Variants in AGBL4 observed in about 807,000 individuals in gnomAD.
AGBL4 encodes the protein AGBL carboxypeptidase 4.
AGBL4 carries 58 observed loss-of-function variants against 66.4 expected under a neutral mutation model. The ratio of observed to expected loss-of-function variants is 0.87; its 90% CI spans 0.71 to 1.09. The LOEUF is 1.09. Ranked by LOEUF, AGBL4 falls within the 50% of genes least tolerant of loss-of-function variation. AGBL4 has a pLI of 0.00. For missense variants in AGBL4, 579 were observed against 631.0 expected (o/e 0.92, Z 0.88); for synonymous variants, 234 against 222.9 (o/e 1.05, Z -0.44).
chr1:48,659,473 G>T (rs1157546430), intron 7 of AGBL4, among the ~76,000 whole-genome samples: 1 of 152,192 alleles, frequency 6.6e-6, no homozygotes, highest in African/African-American at 2.4e-5. Flanking sequence ...CAATGATAAA[G>T]GGTCTGGAGA....
intron 1 of AGBL4, among the ~76,000 whole-genome samples, chr1:49,914,907 T>C (rs767256581): frequency 5.9e-5 from 9 of 152,086 alleles, no homozygotes; most frequent in Admixed American, 2.6e-4. Context: ...TGAACTCTCA[T>C]GTAACTAACC....
At chr1:49,286,171 C>G (rs1465381046) in intron 3 of AGBL4, among the ~76,000 whole-genome samples, 4 of 152,134 alleles carry the variant, frequency 2.6e-5, no homozygotes, top group African/African-American at 9.7e-5. Flanking sequence ...ACGCTTCATG[C>G]TAAAAACTCT....
intron 5 of AGBL4, among the ~76,000 whole-genome samples, chr1:48,939,656 C>G (rs757266114): frequency 6.6e-6 from 1 of 152,124 alleles, no homozygotes; most frequent in South Asian, 2.1e-4. Flanking sequence ...GTGATATAGC[C>G]AAGATGAAGC....
chr1:49,310,836 G>A (rs1012511877), intron 3 of AGBL4, among the ~76,000 whole-genome samples: 8 of 152,092 alleles, frequency 5.3e-5, no homozygotes, highest in Non-Finnish European at 1.0e-4. Context: ...TACGTCTGTA[G>A]TACACAATAT....
At chr1:48,699,214 C>T (rs539957673) in intron 6 of AGBL4, among the ~76,000 whole-genome samples, 1 of 152,330 alleles carries the variant, frequency 6.6e-6, no homozygotes, top group African/African-American at 2.4e-5. Context: ...GGTTTGCCTA[C>T]TGGCTAGGTT....
chr1:49,857,634 G>C (rs1646467133), intron 1 of AGBL4, among the ~76,000 whole-genome samples: 1 of 152,106 alleles, frequency 6.6e-6, no homozygotes, highest in Non-Finnish European at 1.5e-5. Flanking sequence ...GGAAAGGACA[G>C]TCTCTTTAAT....
intron 9 of AGBL4, among the ~76,000 whole-genome samples, chr1:48,592,467 G>A (rs11577747): frequency 2.6e-5 from 4 of 152,304 alleles, no homozygotes; most frequent in African/African-American, 9.6e-5. Flanking sequence ...TCTCTGGGTA[G>A]CAAAAGCTGT....
At chr1:49,326,034 T>C (rs1431389729) in intron 3 of AGBL4, among the ~76,000 whole-genome samples, 1 of 152,176 alleles carries the variant, frequency 6.6e-6, no homozygotes, top group East Asian at 1.9e-4. Context: ...ATTTTCTTTA[T>C]AATTTACCCA....
At chr1:49,850,013 G>T (rs1011954051) in intron 2 of AGBL4, among the ~76,000 whole-genome samples, 1 of 152,122 alleles carries the variant, frequency 6.6e-6, no homozygotes, top group Non-Finnish European at 1.5e-5. Context: ...AAAATAAAAA[G>T]CCATTGTTCT....
At chr1:49,554,400 A>G (rs1053844526) in intron 3 of AGBL4, among the ~76,000 whole-genome samples, 1 of 152,188 alleles carries the variant, frequency 6.6e-6, no homozygotes, top group Admixed American at 6.5e-5. Flanking sequence ...GAGCACAGAT[A>G]AAAGGTTTTA....
intron 4 of AGBL4, among the ~76,000 whole-genome samples, chr1:49,188,275 C>T (rs898086848): frequency 2.0e-5 from 3 of 152,052 alleles, no homozygotes; most frequent in Non-Finnish European, 2.9e-5. Flanking sequence ...CTCTCCTGGG[C>T]GTTCCCATAG....
chr1:48,706,423 A>C (rs1646881011), intron 6 of AGBL4, among the ~76,000 whole-genome samples: 1 of 152,238 alleles, frequency 6.6e-6, no homozygotes, highest in African/African-American at 2.4e-5. Context: ...AATAAGGAAC[A>C]GTGTTTCAAC....
intron 2 of AGBL4, among the ~76,000 whole-genome samples, chr1:49,733,317 G>A (rs912771631): frequency 2.6e-5 from 4 of 152,060 alleles, no homozygotes; most frequent in African/African-American, 7.2e-5. Flanking sequence ...GGTACCAAGA[G>A]GTAAATTCAA....
intron 1 of AGBL4, among the ~76,000 whole-genome samples, chr1:49,905,891 G>A (rs945291726): frequency 6.6e-6 from 1 of 151,954 alleles, no homozygotes; most frequent in African/African-American, 2.4e-5. Context: ...GTATTTAAGA[G>A]AATAGAGCTT....
intron 6 of AGBL4, among the ~76,000 whole-genome samples, chr1:48,703,461 T>G (rs2148508922): frequency 6.6e-6 from 1 of 152,124 alleles, no homozygotes; most frequent in East Asian, 1.9e-4. Context: ...AAGAAAAGAA[T>G]AAGTCTAGAT....
intron 2 of AGBL4, among the ~76,000 whole-genome samples, chr1:49,723,113 A>G (rs1224916857): frequency 6.6e-6 from 1 of 152,142 alleles, no homozygotes; most frequent in East Asian, 1.9e-4. Context: ...GAAATCAATG[A>G]CAATCCCTGA....
chr1:49,904,595 C>T (rs1057127465), intron 1 of AGBL4, among the ~76,000 whole-genome samples: 5 of 152,086 alleles, frequency 3.3e-5, no homozygotes, highest in African/African-American at 7.2e-5. Flanking sequence ...AACTAGGTTG[C>T]CTTCAATGGT....
chr1:49,054,740 C>T (rs1484698996), intron 4 of AGBL4, among the ~76,000 whole-genome samples: 3 of 151,944 alleles, frequency 2.0e-5, no homozygotes, highest in East Asian at 1.9e-4. Context: ...CCAGACCACA[C>T]TTTCTGTCTT....
chr1:49,148,898 T>G (rs1646272659), intron 4 of AGBL4, among the ~76,000 whole-genome samples: 1 of 152,216 alleles, frequency 6.6e-6, no homozygotes, highest in Non-Finnish European at 1.5e-5. Context: ...CGATCACTTC[T>G]GTGTATTTCC....
Sources: allele counts gnomAD v4.1 joint callset (sites outside exome capture counted in the v4.1 genomes callset), GRCh38; gene constraint gnomAD v4.1.1; transcripts MANE v1.5; gene names NCBI Gene and HGNC (gene_info 2026-07-23, HGNC 2026-07-21).